GPC1: variants seen among roughly 807,000 people sequenced by gnomAD.
The protein encoded by GPC1 is glypican 1.
In GPC1, 26 loss-of-function variants were observed where a neutral mutation model predicts 51.5. The ratio of observed to expected loss-of-function variants is 0.50; its 90% CI spans 0.37 to 0.70. The LOEUF is 0.70. GPC1 is among the 30% of genes least tolerant of loss of function. GPC1 has a pLI of 0.00. For synonymous variants in GPC1, 380 were observed against 348.3 expected (o/e 1.09, Z -1.01); for missense variants, 775 against 800.5 (o/e 0.97, Z 0.38).
At position 240,464,963 on chromosome 2, in the gene GPC1, GC is replaced by G; in HGVS notation, c.1123del (p.Leu375TrpfsTer33). ...APRERPPSGT[L>X]EKLVSEAKAQ... Reference sequence around the variant, plus strand: ...CGCGGGAGAGGCCACCTTCAGGCACGCTGGAGAAGCTGGTGAGTGGCCCCTG... The same window carrying G: ...CGCGGGAGAGGCCACCTTCAGGCACGTGGAGAAGCTGGTGAGTGGCCCCTG... On this transcript the variant is annotated frameshift_variant, in exon 6 of 9. Coordinates refer to ENST00000264039, the MANE Select transcript of GPC1 (RefSeq NM_002081.3). LOFTEE classifies it high-confidence loss of function. The G allele has an allele frequency of 6.4e-7, 1 of 1,553,610 alleles. No individual in the cohort carries two copies. Among genetic ancestry groups the G allele is most frequent in the South Asian group, 1.2e-5 (1 of 84,352 alleles).
chr2:240,460,415 C>T (rs1269442181), intron 2 of GPC1, among the ~76,000 whole-genome samples: 1 of 152,148 alleles, frequency 6.6e-6, no homozygotes, highest in East Asian at 1.9e-4. Flanking sequence ...CTCCTCCACT[C>T]TATCCTGGGC....
At chr2:240,461,759 A>T (rs1427108157) in intron 2 of GPC1, among the ~76,000 whole-genome samples, 1 of 152,076 alleles carries the variant, frequency 6.6e-6, no homozygotes, top group Non-Finnish European at 1.5e-5. Context: ...CACGGGGAGC[A>T]CAAGTGGGGA....
At chr2:240,464,504 C>G (rs967963811) in intron 4 of GPC1, 112 bp from the exon 5 acceptor site, 56 of 1,394,196 alleles carry the variant, frequency 4.0e-5, no homozygotes, top group Non-Finnish European at 5.7e-5. Flanking sequence ...CATGCTGACC[C>G]GTGCTGTCAA....
At chr2:240,454,616 C>T (rs1467098407) in intron 1 of GPC1, among the ~76,000 whole-genome samples, 1 of 152,240 alleles carries the variant, frequency 6.6e-6, no homozygotes, top group African/African-American at 2.4e-5. Context: ...CAGCCCTACT[C>T]CAGCACCGTG....
intron 1 of GPC1, chr2:240,451,167 C>A (rs1320197876): frequency 1.3e-5 from 6 of 471,118 alleles, no homozygotes; most frequent in African/African-American, 1.2e-4. Context: ...TTGGCGGGCT[C>A]CCTCCAGAGG....
chr2:240,444,322 G>A (rs1343362353), intron 1 of GPC1, among the ~76,000 whole-genome samples: 5 of 152,296 alleles, frequency 3.3e-5, no homozygotes, highest in South Asian at 2.1e-4. Flanking sequence ...TTCTGCTCTC[G>A]CCCCACAGAA....
intron 1 of GPC1, among the ~76,000 whole-genome samples, chr2:240,436,722 G>T (rs909389314): frequency 6.6e-6 from 1 of 152,272 alleles, no homozygotes; most frequent in African/African-American, 2.4e-5. Context: ...GAACGCCGCC[G>T]CCTCGTAGAG....
At position 240,462,250 on chromosome 2, in the gene GPC1, G is replaced by T; in HGVS notation, c.385G>T (p.Ala129Ser). ...ERTLQATFPGAFGELYTQNAR... is the reference protein window; with the variant it reads ...ERTLQATFPGSFGELYTQNAR... ...GACGCTGCAGGCCACCTTCCCCGGC[G>T]CCTTCGGAGAGCTGTACACGCAGAA... is the stretch of plus-strand genomic sequence containing the variant. Residue 129 changes from alanine to serine, a missense_variant, in exon 3 of 9, where the codon GCC becomes TCC. By Grantham distance (99) the Ala-to-Ser change is moderately conservative. Transcript: ENST00000264039. The T allele has an allele frequency of 6.2e-7, 1 of 1,610,482 alleles. No homozygotes were observed. The highest frequency in any genetic ancestry group is 8.5e-7 in the Non-Finnish European group (1 of 1,178,702).
intron 1 of GPC1, 55 bp from the exon 2 acceptor site, chr2:240,458,975 C>T (rs2074193683): frequency 1.3e-6 from 2 of 1,550,722 alleles, no homozygotes; most frequent in Admixed American, 1.7e-5. Context: ...AGGGTGCCCT[C>T]CTGGCTCCCA....
At chr2:240,453,964 C>G (rs2074131423) in intron 1 of GPC1, among the ~76,000 whole-genome samples, 2 of 152,166 alleles carry the variant, frequency 1.3e-5, no homozygotes, top group African/African-American at 4.8e-5. Context: ...GCAGAGGTGT[C>G]CCTACGACGC....
chr2:240,455,706 C>T (rs2074152588), intron 1 of GPC1, among the ~76,000 whole-genome samples: 1 of 152,170 alleles, frequency 6.6e-6, no homozygotes, highest in African/African-American at 2.4e-5. Context: ...GGGCACATTG[C>T]TCTCCATTCA....
At chr2:240,453,904 C>G (rs1025836857) in intron 1 of GPC1, among the ~76,000 whole-genome samples, 1 of 152,178 alleles carries the variant, frequency 6.6e-6, no homozygotes, top group African/African-American at 2.4e-5. Context: ...CAAGCAGCCG[C>G]GGGTGACAGG....
rs772497120 is a variant in GPC1 at position 240,464,932 on chromosome 2, T to C, written c.1091T>C (p.Leu364Pro). Residue 364 changes from leucine (L) to proline (P), a missense_variant, in exon 6 of 9, where the codon CTG becomes CCG. Coordinates refer to ENST00000264039, the MANE Select transcript of GPC1 (RefSeq NM_002081.3). The part of the protein sequence containing the change: ...GPEEKRRRGK[L>P]APRERPPSGT... Reference sequence around the variant, plus strand: ...GAGGAGAAGCGGCGCCGGGGCAAGCTGGCCCCGCGGGAGAGGCCACCTTCA... The same window carrying C: ...GAGGAGAAGCGGCGCCGGGGCAAGCCGGCCCCGCGGGAGAGGCCACCTTCA... The C allele has an allele frequency of 6.4e-7, 1 of 1,551,406 alleles. No individual in the cohort carries two copies. The highest frequency in any genetic ancestry group is 1.4e-5 in the African/African-American group (1 of 73,124).
At chr2:240,465,732 C>T in intron 8 of GPC1, 84 bp downstream of exon 8, 1 of 1,160,604 alleles carries the variant, frequency 8.6e-7, no homozygotes, top group South Asian at 1.4e-5. Flanking sequence ...CGGGTTCCCC[C>T]ACCCGAGGGG....
rs1429748422 is a variant in GPC1 at position 240,467,824 on chromosome 2, TGGGCTGGGGACTCTGGCACAGTGATGCC to T, written c.*1539_*1566del. The T allele has an allele frequency of 1.3e-5, 2 of 152,108 alleles. No individual in the cohort carries two copies. The highest frequency in any genetic ancestry group is 2.9e-5 in the Non-Finnish European group (2 of 68,044). 9.4% of individuals were successfully genotyped at this position (152,108 alleles called of 1,614,324 possible). A position where few individuals can be genotyped will look rare whatever the true frequency, so the allele number is the denominator to read the frequency against. On this transcript the variant is annotated 3_prime_UTR_variant, in exon 9 of 9. Transcript: ENST00000264039. Reference sequence around the variant, plus strand: ...CATAATAACCCTGCCAGTGCCAGGGTGGGCTGGGGACTCTGGCACAGTGATGCCGGGCGCCAGGACAGCAGCACTCCCG... The same window carrying T: ...CATAATAACCCTGCCAGTGCCAGGGTGGGCGCCAGGACAGCAGCACTCCCG...
At chr2:240,456,000 G>T in intron 1 of GPC1, 1 of 430,758 alleles carries the variant, frequency 2.3e-6, no homozygotes. Context: ...GGGGCTCCCA[G>T]GCCGGCGCCC....
At chr2:240,453,672 C>T (rs1433649741) in intron 1 of GPC1, among the ~76,000 whole-genome samples, 72 of 150,822 alleles carry the variant, frequency 4.8e-4, no homozygotes, top group African/African-American at 1.7e-3. Context: ...CCCCGCCGCG[C>T]CCACTGCACC....
Position 240,465,602 on chromosome 2 carries a change from G to A in GPC1, c.1398G>A (p.Arg466=). 1 of 1,613,050 alleles carries A rather than the reference G, an allele frequency of 6.2e-7. No individual in the cohort carries two copies. Among genetic ancestry groups the A allele is most frequent in the Non-Finnish European group, 8.5e-7 (1 of 1,179,996 alleles). Residue 466 remains arginine (R), a synonymous_variant, in exon 8 of 9, where the codon CGG becomes CGA. Coordinates refer to ENST00000264039, the MANE Select transcript of GPC1 (RefSeq NM_002081.3). Reference sequence around the variant, plus strand: ...TGCAGCTGAAGATCATGACCAACCGGCTGCGCAGCGCCTACAACGGCAACG... The same window carrying A: ...TGCAGCTGAAGATCATGACCAACCGACTGCGCAGCGCCTACAACGGCAACG... ...QIMQLKIMTN[R]LRSAYNGNDV... is the part of the protein sequence containing the mutation.
intron 1 of GPC1, among the ~76,000 whole-genome samples, chr2:240,445,512 A>C (rs2074043797): frequency 6.8e-6 from 1 of 147,366 alleles, no homozygotes; most frequent in Non-Finnish European, 1.5e-5. Context: ...GAGGGAGCTC[A>C]GGGGAGGGGG....
Sources: allele counts gnomAD v4.1 joint callset (sites outside exome capture counted in the v4.1 genomes callset), GRCh38; gene constraint gnomAD v4.1.1; transcripts MANE v1.5; gene names NCBI Gene and HGNC (gene_info 2026-07-23, HGNC 2026-07-21).